The following SERPINI1 variants were observed in gnomAD, a reference collection of about 807,000 sequenced individuals.
The protein encoded by SERPINI1 is serpin family I member 1.
A neutral mutation model predicts 41.1 loss-of-function variants in SERPINI1; 19 were observed. The ratio of observed to expected loss-of-function variants is 0.46; its 90% CI spans 0.32 to 0.68. SERPINI1 has a LOEUF of 0.68. Ranked by LOEUF, SERPINI1 falls within the 30% of genes least tolerant of loss-of-function variation. The pLI, the probability that SERPINI1 is intolerant of heterozygous loss-of-function variation, is 0.03. For missense variants in SERPINI1, 460 were observed against 479.2 expected (o/e 0.96, Z 0.37); for synonymous variants, 138 against 156.6 (o/e 0.88, Z 0.89).
chr3:167,814,862 G>A (rs1247028158), intron 6 of SERPINI1, among the ~76,000 whole-genome samples: 2 of 152,162 alleles, frequency 1.3e-5, no homozygotes, highest in African/African-American at 4.8e-5. Context: ...GCTGCCTGGA[G>A]GAAAGTAGGA....
intron 5 of SERPINI1, among the ~76,000 whole-genome samples, chr3:167,801,198 G>A (rs1727888272): frequency 6.6e-6 from 1 of 152,146 alleles, no homozygotes; most frequent in South Asian, 2.1e-4. Flanking sequence ...CCTTATATGT[G>A]TTATAGTCTC....
chr3:167,811,264 T>G (rs1242518418), intron 6 of SERPINI1, among the ~76,000 whole-genome samples: 1 of 151,476 alleles, frequency 6.6e-6, no homozygotes, highest in Non-Finnish European at 1.5e-5. Context: ...GGCCAGGAAT[T>G]CTTCCTAACA....
At chr3:167,767,996 T>A (rs1286739248) in intron 1 of SERPINI1, among the ~76,000 whole-genome samples, 1 of 152,212 alleles carries the variant, frequency 6.6e-6, no homozygotes, top group African/African-American at 2.4e-5. Context: ...ACTCAGTTGA[T>A]AAAGCAATGG....
chr3:167,796,902 A>G (rs1727735329), intron 5 of SERPINI1, among the ~76,000 whole-genome samples: 1 of 152,132 alleles, frequency 6.6e-6, no homozygotes. Flanking sequence ...TGCTGGGTCA[A>G]ATGGTATTTC....
chr3:167,807,480 AT>A, intron 6 of SERPINI1, 139 bp downstream of exon 6: 1 of 631,556 alleles, frequency 1.6e-6, no homozygotes. Flanking sequence ...CATGAAATAC[AT>A]TTAACCTCTA....
intron 5 of SERPINI1, among the ~76,000 whole-genome samples, chr3:167,803,719 A>G (rs553060248): frequency 1.3e-5 from 2 of 152,342 alleles, no homozygotes; most frequent in South Asian, 4.1e-4. Context: ...AGAAGCAAAA[A>G]GAATCCCCTA....
At chr3:167,819,936 T>C (rs1560019039) in intron 6 of SERPINI1, among the ~76,000 whole-genome samples, 1 of 152,232 alleles carries the variant, frequency 6.6e-6, no homozygotes, top group Admixed American at 6.5e-5. Context: ...GAAAAATGTA[T>C]TTGAGGCATC....
At chr3:167,742,314 G>A (rs950608519) in intron 1 of SERPINI1, among the ~76,000 whole-genome samples, 2 of 152,078 alleles carry the variant, frequency 1.3e-5, no homozygotes, top group African/African-American at 2.4e-5. Context: ...AACTAGAAAC[G>A]CTTTCAGCTA....
intron 6 of SERPINI1, among the ~76,000 whole-genome samples, chr3:167,818,866 T>C (rs745340959): frequency 3.2e-4 from 48 of 152,196 alleles, no homozygotes; most frequent in Non-Finnish European, 5.4e-4. Flanking sequence ...TTGGAGGCAA[T>C]TTCCTATGTG....
intron 1 of SERPINI1, among the ~76,000 whole-genome samples, chr3:167,736,299 G>GT (rs1305679741): frequency 6.6e-6 from 1 of 152,184 alleles, no homozygotes; most frequent in Non-Finnish European, 1.5e-5. Flanking sequence ...TTATTTTGCA[G>GT]TTTCCTAGAA....
chr3:167,800,662 G>A (rs1051907668), intron 5 of SERPINI1, among the ~76,000 whole-genome samples: 4 of 152,182 alleles, frequency 2.6e-5, no homozygotes, highest in Non-Finnish European at 4.4e-5. Flanking sequence ...GGACATCAAA[G>A]GATGTGAAGT....
chr3:167,818,320 G>A (rs1005081762), intron 6 of SERPINI1, among the ~76,000 whole-genome samples: 2 of 152,054 alleles, frequency 1.3e-5, no homozygotes, highest in African/African-American at 4.8e-5. Flanking sequence ...GAGCCACCGC[G>A]CCCGGCCAAA....
At chr3:167,740,759 A>G (rs1725654314) in intron 1 of SERPINI1, among the ~76,000 whole-genome samples, 1 of 152,226 alleles carries the variant, frequency 6.6e-6, no homozygotes, top group African/African-American at 2.4e-5. Flanking sequence ...TGCTTCAGAC[A>G]TGAATTTATT....
At chr3:167,752,552 C>T (rs111592419) in intron 1 of SERPINI1, among the ~76,000 whole-genome samples, 10 of 152,176 alleles carry the variant, frequency 6.6e-5, no homozygotes, top group African/African-American at 2.2e-4. Flanking sequence ...ATTGCAACCC[C>T]CATAGTCAAC....
intron 1 of SERPINI1, among the ~76,000 whole-genome samples, chr3:167,755,193 A>T (rs760240968): frequency 5.3e-5 from 8 of 152,224 alleles, no homozygotes; most frequent in Non-Finnish European, 1.0e-4. Context: ...GGAAAGAATC[A>T]TGCATATTAA....
intron 1 of SERPINI1, among the ~76,000 whole-genome samples, chr3:167,770,174 T>G (rs1726700073): frequency 6.6e-6 from 1 of 151,942 alleles, no homozygotes; most frequent in South Asian, 2.1e-4. Flanking sequence ...AATATATGTA[T>G]GTATATATTT....
chr3:167,744,836 AT>A (rs1238256346), intron 1 of SERPINI1, among the ~76,000 whole-genome samples: 5 of 119,134 alleles, frequency 4.2e-5, no homozygotes, highest in African/African-American at 1.0e-4. Context: ...TAATATATAT[AT>A]TATATATAAC....
chr3:167,793,564 C>G (rs1316927917), intron 4 of SERPINI1, among the ~76,000 whole-genome samples: 2 of 145,898 alleles, frequency 1.4e-5, no homozygotes, highest in Non-Finnish European at 1.5e-5. Context: ...CAGCAAGACC[C>G]TTTCTCTACA....
chr3:167,765,285 C>T (rs945128427), intron 1 of SERPINI1, among the ~76,000 whole-genome samples: 3 of 152,232 alleles, frequency 2.0e-5, no homozygotes, highest in Admixed American at 6.5e-5. Context: ...TTGCATACAT[C>T]TTCTGAAATC....
Sources: allele counts gnomAD v4.1 joint callset (sites outside exome capture counted in the v4.1 genomes callset), GRCh38; gene constraint gnomAD v4.1.1; transcripts MANE v1.5; gene names NCBI Gene and HGNC (gene_info 2026-07-23, HGNC 2026-07-21).